Variants in CCDC32 observed in about 807,000 individuals in gnomAD.
CCDC32 encodes the protein coiled-coil domain-containing protein 32.
A neutral mutation model predicts 20.1 loss-of-function variants in CCDC32; 9 were observed. The ratio of observed to expected loss-of-function variants is 0.45; its 90% CI spans 0.27 to 0.78. The LOEUF (loss-of-function observed/expected upper bound fraction) is 0.78, where lower values mean the gene tolerates loss of function less well. CCDC32 is among the 30% of genes least tolerant of loss of function. The pLI, the probability that CCDC32 is intolerant of heterozygous loss-of-function variation, is 0.16. For missense variants in CCDC32, 204 were observed against 215.5 expected (o/e 0.95, Z 0.33); for synonymous variants, 63 against 79.0 (o/e 0.80, Z 1.07).
downstream of CCDC32, chr15:40,532,036 C>T (rs1888896847): frequency 5.5e-6 from 2 of 364,402 alleles, no homozygotes; most frequent in Non-Finnish European, 9.9e-6. Flanking sequence ...CTTCTGACAT[C>T]TGTGCTAATG....
chr15:40,552,450 G>A (rs1265955637), downstream of CCDC32, among the ~76,000 whole-genome samples: 3 of 134,110 alleles, frequency 2.2e-5, no homozygotes, highest in African/African-American at 5.7e-5. Context: ...CATTGCACTC[G>A]AGCCTGGGCA....
intron 1 of CCDC32, chr15:40,564,724 C>G (rs1464999059): frequency 6.2e-7 from 1 of 1,614,104 alleles, no homozygotes; most frequent in South Asian, 1.1e-5. Flanking sequence ...AACCCCCAAC[C>G]CGAATTCGTC....
chr15:40,550,931 T>C (rs149212888), downstream of CCDC32, among the ~76,000 whole-genome samples: 41 of 152,338 alleles, frequency 2.7e-4, no homozygotes, highest in African/African-American at 9.4e-4. Flanking sequence ...TATTTTCGGG[T>C]ACAGAAACAT....
chr15:40,563,966 A>G (rs8034250), intron 1 of CCDC32, among the ~76,000 whole-genome samples: 134,114 of 151,766 alleles, frequency 0.88, 59,565 homozygotes, highest in Non-Finnish European at 0.93. Flanking sequence ...GACTACAGGC[A>G]CTCGCCACCA....
chr15:40,560,840 C>T (rs1403249908), intron 2 of CCDC32, among the ~76,000 whole-genome samples: 1 of 152,130 alleles, frequency 6.6e-6, no homozygotes, highest in Non-Finnish European at 1.5e-5. Flanking sequence ...AGTAAATCTA[C>T]CATTTGATCC....
rs1327622272 is a variant in CCDC32, at chr15:40,563,010, T to G, written c.6A>C (p.Lys2Asn). ...CTGTAGAGTCAGCGCTCTCAAACAT[T>G]TTCATTTGGAATCTGAGCTATAAAA... M[K>N]MFESADSTAT... The change falls in exon 2 of 4, where the codon AAA becomes AAC. Residue 2 changes from lysine (K) to asparagine (N), a missense_variant. Transcript: ENST00000416810. 1 of 1,613,978 alleles carries G rather than the reference T, an allele frequency of 6.2e-7. No homozygotes were observed. Among genetic ancestry groups the G allele is most frequent in the Admixed American group, 1.7e-5 (1 of 59,998 alleles).
At chr15:40,556,348 G>A (rs561446173) in intron 3 of CCDC32, among the ~76,000 whole-genome samples, 3 of 152,212 alleles carry the variant, frequency 2.0e-5, no homozygotes, top group Admixed American at 6.5e-5. Flanking sequence ...TTAATGCCTG[G>A]TATTGTTAGG....
At chr15:40,522,653 C>G in the CCDC32 span, among the ~76,000 whole-genome samples, 3 of 152,078 alleles carry the variant, frequency 2.0e-5, no homozygotes, top group Non-Finnish European at 4.4e-5. Context: ...GGGCAGGGAG[C>G]TTAAATATCA....
At chr15:40,557,101 G>T in intron 3 of CCDC32, 115 bp downstream of exon 3, 1 of 1,233,472 alleles carries the variant, frequency 8.1e-7, no homozygotes, top group Non-Finnish European at 1.1e-6. Flanking sequence ...CGTAGCTGCA[G>T]TATTTGCCTT....
At chr15:40,524,745 T>C (rs1395837256), downstream of CCDC32, among the ~76,000 whole-genome samples, 5 of 39,296 alleles carry the variant, frequency 1.3e-4, no homozygotes, top group Non-Finnish European at 2.6e-4. Flanking sequence ...CTTTCTTTTT[T>C]TTTTTTTTTT....
At chr15:40,521,235 A>G in the CCDC32 span, among the ~76,000 whole-genome samples, 4 of 152,142 alleles carry the variant, frequency 2.6e-5, no homozygotes, top group African/African-American at 9.7e-5. Context: ...CCCTATATCC[A>G]TTAGCAGTCA....
At chr15:40,534,758 G>A (rs769690011), downstream of CCDC32, 6 of 627,784 alleles carry the variant, frequency 9.6e-6, no homozygotes, top group Admixed American at 1.5e-4. Flanking sequence ...CATTGATAAA[G>A]GGTCCACTCT....
downstream of CCDC32, among the ~76,000 whole-genome samples, chr15:40,525,035 T>TC (rs1461770933): frequency 6.6e-6 from 1 of 150,402 alleles, no homozygotes; most frequent in African/African-American, 2.5e-5. Context: ...GCCAAGCTGT[T>TC]CTTTTTTTTT....
chr15:40,545,615 C>T (rs960473407), intron 3 of CCDC32, among the ~76,000 whole-genome samples: 9 of 152,122 alleles, frequency 5.9e-5, no homozygotes, highest in East Asian at 3.8e-4. Flanking sequence ...GCTAGGGAAT[C>T]GAGGAGCAAA....
At chr15:40,564,723 C>T in intron 1 of CCDC32, 2 of 1,614,126 alleles carry the variant, frequency 1.2e-6, no homozygotes, top group Non-Finnish European at 8.5e-7. Context: ...GAACCCCCAA[C>T]CCGAATTCGT....
At chr15:40,523,530 G>T in the CCDC32 span, among the ~76,000 whole-genome samples, 2 of 150,816 alleles carry the variant, frequency 1.3e-5, no homozygotes, top group Non-Finnish European at 2.9e-5. Flanking sequence ...AAAGGAAAAG[G>T]TGGATAAGTC....
At chr15:40,533,153 G>A (rs771917898), downstream of CCDC32, among the ~76,000 whole-genome samples, 3 of 152,128 alleles carry the variant, frequency 2.0e-5, no homozygotes, top group Non-Finnish European at 4.4e-5. Flanking sequence ...TCATGATCCT[G>A]CTATGCCCCA....
downstream of CCDC32, among the ~76,000 whole-genome samples, chr15:40,530,801 G>A (rs902612634): frequency 6.7e-5 from 10 of 150,230 alleles, 1 homozygote; most frequent in Non-Finnish European, 1.3e-4. Context: ...ACTGACTCCC[G>A]GGCTCAAGTG....
intron 3 of CCDC32, among the ~76,000 whole-genome samples, chr15:40,547,776 A>C (rs764848907): frequency 6.6e-6 from 1 of 152,224 alleles, no homozygotes; most frequent in Non-Finnish European, 1.5e-5. Context: ...GCCTTCCACC[A>C]GCAGCCGCCT....
Sources: allele counts gnomAD v4.1 joint callset (sites outside exome capture counted in the v4.1 genomes callset), GRCh38; gene constraint gnomAD v4.1.1; transcripts MANE v1.5; gene names NCBI Gene and HGNC (gene_info 2026-07-23, HGNC 2026-07-21).